The following TEKTL1 variants were observed in gnomAD, a reference collection of about 807,000 sequenced individuals.
TEKTL1 encodes the protein tektin-like protein 1.
the TEKTL1 span, chr19:15,020,373 G>C: frequency 8.6e-7 from 1 of 1,165,000 alleles, no homozygotes; most frequent in East Asian, 2.5e-5. Context: ...AGCCTATAAG[G>C]CTCAAGCCTG....
chr19:15,011,416 C>G, the TEKTL1 span: 1 of 1,404,466 alleles, frequency 7.1e-7, no homozygotes, highest in South Asian at 1.6e-5. Flanking sequence ...CCCCCACGCC[C>G]AACCCCAGCC....
the TEKTL1 span, among the ~76,000 whole-genome samples, chr19:15,016,489 G>T: frequency 6.6e-6 from 1 of 152,164 alleles, no homozygotes; most frequent in Non-Finnish European, 1.5e-5. Context: ...GCCCGGCCTG[G>T]ACTGCTGTCT....
the TEKTL1 span, among the ~76,000 whole-genome samples, chr19:15,018,255 G>A: frequency 6.6e-6 from 1 of 152,112 alleles, no homozygotes; most frequent in Non-Finnish European, 1.5e-5. Flanking sequence ...TCATGAGGCT[G>A]AAGCAGGAGA....
the TEKTL1 span, chr19:15,013,817 G>T: frequency 1.5e-6 from 2 of 1,348,794 alleles, no homozygotes; most frequent in African/African-American, 2.9e-5. Flanking sequence ...GCTGGAGGGG[G>T]ATCCCTGGCT....
the TEKTL1 span, among the ~76,000 whole-genome samples, chr19:15,012,322 A>C: frequency 6.7e-6 from 1 of 148,348 alleles, no homozygotes; most frequent in African/African-American, 2.5e-5. Context: ...CCAGCACTTC[A>C]GGACACCAAG....
the TEKTL1 span, chr19:15,021,578 G>A: frequency 8.1e-6 from 13 of 1,613,252 alleles, no homozygotes; most frequent in African/African-American, 1.6e-4. Context: ...ACGCGGACTG[G>A]GAGCCAGCGT....
chr19:15,018,480 G>T, the TEKTL1 span, among the ~76,000 whole-genome samples: 7 of 150,686 alleles, frequency 4.6e-5, no homozygotes, highest in African/African-American at 7.3e-5. Flanking sequence ...AGCCCAAGGT[G>T]GGTGGATTGC....
At chr19:15,022,085 G>A in the TEKTL1 span, among the ~76,000 whole-genome samples, 1 of 152,070 alleles carries the variant, frequency 6.6e-6, no homozygotes, top group Non-Finnish European at 1.5e-5. Flanking sequence ...TACTGAAGTG[G>A]GTACTGGCGG....
At chr19:15,020,462 C>A in the TEKTL1 span, 2 of 1,612,692 alleles carry the variant, frequency 1.2e-6, no homozygotes, top group Non-Finnish European at 1.7e-6. Flanking sequence ...CCCACCCAGA[C>A]CCTGGCCTCC....
the TEKTL1 span, among the ~76,000 whole-genome samples, chr19:15,020,881 T>TTC: frequency 1.2e-5 from 1 of 81,802 alleles, no homozygotes; most frequent in African/African-American, 4.2e-5. Context: ...AGGCTCTGCT[T>TTC]TTTTTTTTTT....
At chr19:15,013,546 G>C in the TEKTL1 span, 1 of 661,098 alleles carries the variant, frequency 1.5e-6, no homozygotes. Flanking sequence ...AAGGATGAGA[G>C]TACCCTCAAC....
chr19:15,022,966 CA>C, the TEKTL1 span: 1 of 1,613,458 alleles, frequency 6.2e-7, no homozygotes, highest in Non-Finnish European at 8.5e-7. Flanking sequence ...GCCTCAACTG[CA>C]AGAACATCGG....
chr19:15,012,417 TAGTC>T, the TEKTL1 span, among the ~76,000 whole-genome samples: 1 of 151,902 alleles, frequency 6.6e-6, no homozygotes. Context: ...TTAAAAAAAA[TAGTC>T]AGGCATGGTG....
chr19:15,013,843 C>A, the TEKTL1 span: 1 of 916,938 alleles, frequency 1.1e-6, no homozygotes, highest in Admixed American at 2.0e-5. Flanking sequence ...ATGGACAAAC[C>A]ACTCTGACCT....
At chr19:15,020,971 C>T in the TEKTL1 span, among the ~76,000 whole-genome samples, 2 of 151,922 alleles carry the variant, frequency 1.3e-5, no homozygotes, top group Non-Finnish European at 1.5e-5. Flanking sequence ...CCTCCGCCTC[C>T]CAGGTTCAAG....
chr19:15,016,003 A>G, the TEKTL1 span, among the ~76,000 whole-genome samples: 9 of 151,778 alleles, frequency 5.9e-5, no homozygotes, highest in Admixed American at 1.3e-4. Context: ...TAAGCATTGG[A>G]CCTTGAAGGC....
the TEKTL1 span, chr19:15,013,759 T>C: frequency 1.2e-6 from 2 of 1,612,220 alleles, no homozygotes; most frequent in Non-Finnish European, 8.5e-7. Context: ...TATGGAAAAA[T>C]CAGAGGTCCT....
chr19:15,015,400 TG>T, the TEKTL1 span, among the ~76,000 whole-genome samples: 12 of 152,234 alleles, frequency 7.9e-5, no homozygotes, highest in Admixed American at 2.6e-4. Flanking sequence ...GCTGACCTGC[TG>T]GGCAAGTGAT....
the TEKTL1 span, chr19:15,021,497 C>T: frequency 5.6e-6 from 9 of 1,614,134 alleles, no homozygotes; most frequent in Admixed American, 1.2e-4. Flanking sequence ...GCGCAGAAGG[C>T]GAGCGAGACC....
Sources: gnomAD v4.1 joint callset for allele counts (sites outside exome capture counted in the v4.1 genomes callset) on GRCh38, gnomAD v4.1.1 for gene constraint, MANE v1.5 for transcripts, NCBI Gene and HGNC (gene_info 2026-07-23, HGNC 2026-07-21) for gene names.